The following ITGA8 variants were observed in gnomAD, a reference collection of about 807,000 sequenced individuals.
ITGA8 encodes the protein integrin subunit alpha 8, also known as integrin alpha-8.
A neutral mutation model predicts 142.3 loss-of-function variants in ITGA8; 91 were observed. The observed-to-expected ratio is 0.64, with a 90% confidence interval of 0.54 to 0.76. The LOEUF (loss-of-function observed/expected upper bound fraction) is 0.76. Among genes scored for constraint, ITGA8 ranks in the 30% least tolerant of loss-of-function variants. The pLI, the probability that ITGA8 is intolerant of heterozygous loss-of-function variation, is 0.00. For synonymous variants in ITGA8, 505 were observed against 485.2 expected (o/e 1.04, Z -0.54); for missense variants, 1,406 against 1,327.7 (o/e 1.06, Z -0.92).
intron 2 of ITGA8, among the ~76,000 whole-genome samples, chr10:15,713,091 G>T (rs763440920): frequency 3.3e-5 from 5 of 152,156 alleles, no homozygotes; most frequent in African/African-American, 9.7e-5. Flanking sequence ...TGTAGGGACC[G>T]CTGCCTCCTC....
At chr10:15,535,244 C>T (rs1441399010) in intron 27 of ITGA8, among the ~76,000 whole-genome samples, 3 of 152,128 alleles carry the variant, frequency 2.0e-5, no homozygotes, top group African/African-American at 7.2e-5. Context: ...CCTGTGCAGC[C>T]CGAGCCTCCC....
rs549207632 is a variant in ITGA8 at position 15,545,957 on chromosome 10, TC to T, written c.2880+2497del. ...TCCATGGTATGTAATTCCTGTAATTTCTGTCTCATCAGTGGTGATACTGACA... is the reference window on the plus strand; with the variant it reads ...TCCATGGTATGTAATTCCTGTAATTTTGTCTCATCAGTGGTGATACTGACA... On this transcript the variant is annotated intron_variant, in intron 27 of 29. Coordinates refer to ENST00000378076, the MANE Select transcript of ITGA8 (RefSeq NM_003638.3). Among the ~76,000 whole-genome samples the T allele has an allele frequency of 2.4e-3, 363 of 152,310 alleles. 2 individuals carry two copies. Among genetic ancestry groups the T allele is most frequent in the African/African-American group, 8.1e-3 (336 of 41,576 alleles).
chr10:15,635,032 G>C (rs908767741), intron 13 of ITGA8, among the ~76,000 whole-genome samples: 2 of 134,824 alleles, frequency 1.5e-5, no homozygotes, highest in African/African-American at 5.7e-5. Flanking sequence ...TTTGGAGATG[G>C]AGTTTTGCTC....
intron 28 of ITGA8, among the ~76,000 whole-genome samples, chr10:15,519,700 G>A (rs1346943139): frequency 6.6e-6 from 1 of 152,104 alleles, no homozygotes; most frequent in Non-Finnish European, 1.5e-5. Flanking sequence ...TGACAAGGTG[G>A]AAAGGAATGG....
At chr10:15,569,185 A>G (rs2131578977) in intron 25 of ITGA8, among the ~76,000 whole-genome samples, 1 of 152,340 alleles carries the variant, frequency 6.6e-6, no homozygotes, top group East Asian at 1.9e-4. Context: ...AAGAAAATCA[A>G]TGGAATGATT....
At chr10:15,519,449 A>T in intron 28 of ITGA8, 37 bp from the exon 29 acceptor site, 1 of 1,610,020 alleles carries the variant, frequency 6.2e-7, no homozygotes, top group Non-Finnish European at 8.5e-7. Context: ...CTCTAATGCG[A>T]AAACTATTTG....
At chr10:15,575,964 A>AGTGT (rs761559396) in intron 23 of ITGA8, among the ~76,000 whole-genome samples, 92 of 142,530 alleles carry the variant, frequency 6.5e-4, no homozygotes, top group African/African-American at 2.1e-3. Flanking sequence ...TGTGTGTGTG[A>AGTGT]GTGTGTGTGT....
chr10:15,561,213 A>ATATATATATATATATATATG (rs1352983986), intron 25 of ITGA8, among the ~76,000 whole-genome samples: 9 of 94,840 alleles, frequency 9.5e-5, no homozygotes, highest in African/African-American at 4.4e-4. Flanking sequence ...TGTTGGCTAT[A>ATATATATATATATATATATG]TATATATATA....
At chr10:15,614,750 C>T (rs1833363019) in intron 14 of ITGA8, among the ~76,000 whole-genome samples, 1 of 152,096 alleles carries the variant, frequency 6.6e-6, no homozygotes, top group African/African-American at 2.4e-5. Context: ...TACAGCACTG[C>T]TTTAAACAAT....
At chr10:15,659,223 A>G (rs1288730991) in intron 9 of ITGA8, among the ~76,000 whole-genome samples, 168 bp from the exon 10 acceptor site, 2 of 147,258 alleles carry the variant, frequency 1.4e-5, no homozygotes, top group Non-Finnish European at 3.0e-5. Context: ...AAAAAAAAAA[A>G]GCCGATTAAA....
At chr10:15,703,591 A>G (rs1270591587) in intron 2 of ITGA8, among the ~76,000 whole-genome samples, 1 of 152,152 alleles carries the variant, frequency 6.6e-6, no homozygotes, top group Non-Finnish European at 1.5e-5. Context: ...AAAAACAAAA[A>G]CAAAACCCCC....
At chr10:15,644,496 T>TAA (rs1833941862) in intron 12 of ITGA8, among the ~76,000 whole-genome samples, 1 of 7,352 alleles carries the variant, frequency 1.4e-4, no homozygotes, top group Non-Finnish European at 1.7e-3. Context: ...ATATATAGAA[T>TAA]TTTTTTTTTT....
chr10:15,608,402 T>TACAC (rs3041592), intron 15 of ITGA8, 112 bp from the exon 16 acceptor site: 32 of 500,376 alleles, frequency 6.4e-5, no homozygotes, highest in East Asian at 1.4e-4. Flanking sequence ...TATTTCTAAT[T>TACAC]ACACACACAC....
chr10:15,715,434 C>A (rs560615991), intron 2 of ITGA8, among the ~76,000 whole-genome samples: 1 of 152,296 alleles, frequency 6.6e-6, no homozygotes, highest in South Asian at 2.1e-4. Flanking sequence ...CAGGGTCAAT[C>A]CTCTCCCCAT....
Position 15,684,030 on chromosome 10 carries a change from T to G in ITGA8, c.542A>C (p.Tyr181Ser), listed in dbSNP as rs1365660441. The G allele has an allele frequency of 6.2e-7, 1 of 1,614,084 alleles. No homozygotes were observed. Among genetic ancestry groups the G allele is most frequent in the Non-Finnish European group, 8.5e-7 (1 of 1,180,028 alleles). The change falls in exon 4 of 30, where the codon TAT becomes TCT. Residue 181 changes from tyrosine (Y) to serine (S), a missense_variant. By Grantham distance (144) the Tyr-to-Ser change is moderately radical. Coordinates refer to ENST00000378076, the MANE Select transcript of ITGA8 (RefSeq NM_003638.3). ...GTTCCGGCAAGGAGAGAACTCGGCATAGGCGCTGAAGTTCTGAATTGCTAC... is the reference window on the plus strand; with the variant it reads ...GTTCCGGCAAGGAGAGAACTCGGCAGAGGCGCTGAAGTTCTGAATTGCTAC... ...CYVAIQNFSA[Y>S]AEFSPCRNSN...
chr10:15,699,061 A>ACC (rs1833061370), intron 2 of ITGA8, among the ~76,000 whole-genome samples: 1 of 152,198 alleles, frequency 6.6e-6, no homozygotes, highest in African/African-American at 2.4e-5. Context: ...CAGGAGGCAG[A>ACC]TCACCTGAGG....
rs143898571 is a variant in ITGA8 at position 15,562,934 on chromosome 10, G to A, written c.2638-4732C>T. ...TGGGAGGTGGGGCCTGGTGGGAGAT[G>A]CTGGGGTCACGGGGGTGGATCCCTC... On this transcript the variant is annotated intron_variant, in intron 25 of 29. Transcript: ENST00000378076. Among the ~76,000 whole-genome samples, 58 of 152,326 alleles carry A rather than the reference G, an allele frequency of 3.8e-4. No individual in the cohort carries two copies. In the East Asian group the frequency reaches 8.5e-3, roughly 22 times the overall value.
intron 2 of ITGA8, among the ~76,000 whole-genome samples, chr10:15,702,039 A>G (rs1453858362): frequency 6.6e-6 from 1 of 152,200 alleles, no homozygotes; most frequent in East Asian, 1.9e-4. Flanking sequence ...ATTGATTTTT[A>G]TATCACAGAA....
At chr10:15,583,826 T>C (rs1354984347) in intron 23 of ITGA8, among the ~76,000 whole-genome samples, 2 of 152,176 alleles carry the variant, frequency 1.3e-5, no homozygotes, top group Non-Finnish European at 2.9e-5. Context: ...AGGATGAATT[T>C]TACTTTATGT....
Sources: allele counts gnomAD v4.1 joint callset (sites outside exome capture counted in the v4.1 genomes callset), GRCh38; gene constraint gnomAD v4.1.1; transcripts MANE v1.5; gene names NCBI Gene and HGNC (gene_info 2026-07-23, HGNC 2026-07-21).